PCDH15: variants seen among roughly 807,000 people sequenced by gnomAD.
PCDH15 encodes the protein protocadherin-15.
In PCDH15, 129 loss-of-function variants were observed where a neutral mutation model predicts 178.5. The ratio of observed to expected loss-of-function variants is 0.72; its 90% confidence interval spans 0.63 to 0.84. The LOEUF (loss-of-function observed/expected upper bound fraction) is 0.84, where lower values mean the gene tolerates loss of function less well. Ranked by LOEUF, PCDH15 falls within the 40% of genes least tolerant of loss-of-function variation. PCDH15 has a pLI of 0.00. For synonymous variants in PCDH15, 800 were observed against 732.0 expected, an observed-to-expected ratio of 1.09 and a Z score of -1.50; for missense variants, 2,230 against 2,099.9, an observed-to-expected ratio of 1.06 and a Z score of -1.21.
At chr10:55,374,567 A>G (rs1462290469) in intron 2 of PCDH15, among the ~76,000 whole-genome samples, 1 of 152,064 alleles carries the variant, frequency 6.6e-6, no homozygotes, top group Non-Finnish European at 1.5e-5. Context: ...AGAGTCAGAA[A>G]CTTAATATGA....
intron 2 of PCDH15, among the ~76,000 whole-genome samples, chr10:54,902,611 C>G (rs1954654739): frequency 6.6e-6 from 1 of 152,146 alleles, no homozygotes; most frequent in African/African-American, 2.4e-5. Context: ...TTATAAATTA[C>G]CCAGTTTCGG....
At chr10:54,716,968 T>C (rs1428829108) in intron 1 of PCDH15, among the ~76,000 whole-genome samples, 6 of 148,356 alleles carry the variant, frequency 4.0e-5, no homozygotes, top group African/African-American at 1.5e-4. Flanking sequence ...TATCTACAAC[T>C]ATCTGATCTT....
chr10:54,343,452 T>A (rs1345585288), intron 6 of PCDH15, among the ~76,000 whole-genome samples: 1 of 152,172 alleles, frequency 6.6e-6, no homozygotes, highest in African/African-American at 2.4e-5. Flanking sequence ...TCATTTAAAA[T>A]TATTTTATTA....
At chr10:54,732,045 G>C (rs1943475233) in intron 1 of PCDH15, among the ~76,000 whole-genome samples, 1 of 150,762 alleles carries the variant, frequency 6.6e-6, no homozygotes, top group African/African-American at 2.4e-5. Flanking sequence ...ATTATCACAT[G>C]TAACCTGAAA....
At chr10:54,445,040 C>T (rs1441711434) in intron 3 of PCDH15, among the ~76,000 whole-genome samples, 1 of 151,036 alleles carries the variant, frequency 6.6e-6, no homozygotes, top group Non-Finnish European at 1.5e-5. Flanking sequence ...GATGATTCTC[C>T]TTTTCTCAAT....
intron 11 of PCDH15, among the ~76,000 whole-genome samples, chr10:54,190,466 C>T (rs1305932496): frequency 3.3e-5 from 5 of 152,156 alleles, no homozygotes; most frequent in Non-Finnish European, 7.4e-5. Context: ...TGCAGTGGTG[C>T]AATCATGGCT....
intron 15 of PCDH15, among the ~76,000 whole-genome samples, chr10:54,121,370 T>G (rs2095216931): frequency 6.6e-6 from 1 of 152,044 alleles, no homozygotes; most frequent in Admixed American, 6.6e-5. Flanking sequence ...GATCTAACAT[T>G]ATACTAGAGG....
chr10:54,321,404 T>C (rs976481831), intron 7 of PCDH15, among the ~76,000 whole-genome samples: 10 of 150,174 alleles, frequency 6.7e-5, no homozygotes, highest in Non-Finnish European at 1.3e-4. Flanking sequence ...AAATAGTAAA[T>C]AGATAATAAA....
intron 3 of PCDH15, among the ~76,000 whole-genome samples, chr10:54,440,067 A>T (rs1193623186): frequency 1.3e-5 from 2 of 152,022 alleles, no homozygotes; most frequent in Non-Finnish European, 2.9e-5. Context: ...GGGGAAAAAA[A>T]CTTCACATGA....
intron 2 of PCDH15, among the ~76,000 whole-genome samples, chr10:54,898,648 T>C (rs759617489): frequency 9.9e-5 from 15 of 152,150 alleles, no homozygotes; most frequent in Non-Finnish European, 4.4e-5. Context: ...TAGTTCAGTA[T>C]TGTTCTAATG....
At chr10:54,821,149 G>T (rs1304813486) in intron 3 of PCDH15, among the ~76,000 whole-genome samples, 1 of 151,926 alleles carries the variant, frequency 6.6e-6, no homozygotes, top group Non-Finnish European at 1.5e-5. Flanking sequence ...GAAATAAAAT[G>T]ACACATACGT....
intron 1 of PCDH15, among the ~76,000 whole-genome samples, chr10:54,703,506 G>T (rs532895106): frequency 6.6e-6 from 1 of 152,022 alleles, no homozygotes; most frequent in South Asian, 2.1e-4. Context: ...AAAGCACCTA[G>T]ATCTGATAAA....
intron 1 of PCDH15, among the ~76,000 whole-genome samples, chr10:54,667,328 G>A (rs1309119575): frequency 2.0e-5 from 3 of 151,924 alleles, no homozygotes; most frequent in Non-Finnish European, 4.4e-5. Flanking sequence ...TATTGACTTA[G>A]TGAGAAAACC....
At chr10:54,530,625 C>T (rs1046585640) in intron 2 of PCDH15, among the ~76,000 whole-genome samples, 1 of 152,112 alleles carries the variant, frequency 6.6e-6, no homozygotes, top group African/African-American at 2.4e-5. Context: ...TTCTCACTAA[C>T]CCCTCAATAG....
chr10:54,968,069 A>C (rs1404084838), intron 2 of PCDH15, among the ~76,000 whole-genome samples: 1 of 152,204 alleles, frequency 6.6e-6, no homozygotes, highest in East Asian at 1.9e-4. Context: ...AACCTATAAC[A>C]TAACCATTTA....
chr10:54,550,539 T>C (rs2086450548), intron 2 of PCDH15, among the ~76,000 whole-genome samples: 1 of 151,952 alleles, frequency 6.6e-6, no homozygotes, highest in Non-Finnish European at 1.5e-5. Context: ...ATATACAATG[T>C]TTGTTGTATT....
chr10:54,138,965 T>A (rs2043133713), intron 14 of PCDH15, among the ~76,000 whole-genome samples: 1 of 152,184 alleles, frequency 6.6e-6, no homozygotes, highest in African/African-American at 2.4e-5. Context: ...AAGCCCAAAG[T>A]ATTTTTCAAG....
At chr10:54,322,210 T>TA (rs1404174766) in intron 7 of PCDH15, among the ~76,000 whole-genome samples, 1 of 151,910 alleles carries the variant, frequency 6.6e-6, no homozygotes, top group Non-Finnish European at 1.5e-5. Flanking sequence ...TGGTAAAAAA[T>TA]AAAAAATAAC....
rs34182878 is a variant in PCDH15 at position 54,430,049 on chromosome 10, CTTT to C, written c.158-51110_158-51108del. Among the ~76,000 whole-genome samples, 782 of 119,514 alleles carry C rather than the reference CTTT, an allele frequency of 6.5e-3. 12 individuals are homozygous for C. Among genetic ancestry groups the C allele is most frequent in the African/African-American group, 0.023 (718 of 31,102 alleles). The allele number at this position is 119,514 out of a possible 152,430, so 78.4% of individuals were successfully genotyped here. On this transcript the variant is annotated intron_variant, in intron 3 of 37. Transcript: ENST00000644397. ...CAAAATACACTTTTTCCTTCTTCTCCTTTTTTTTTTTTTTTTTTTTTTTAAAGA... is the reference window on the plus strand; with the variant it reads ...CAAAATACACTTTTTCCTTCTTCTCCTTTTTTTTTTTTTTTTTTTTAAAGA...
Sources: gnomAD v4.1 joint callset for allele counts (sites outside exome capture counted in the v4.1 genomes callset) on GRCh38, gnomAD v4.1.1 for gene constraint, MANE v1.5 for transcripts, NCBI Gene and HGNC (gene_info 2026-07-23, HGNC 2026-07-21) for gene names.